SLC8A3: variants seen among roughly 807,000 people sequenced by gnomAD.
SLC8A3 encodes the protein solute carrier family 8 member A3.
SLC8A3 carries 37 observed loss-of-function variants against 65.4 expected under a neutral mutation model. The observed-to-expected ratio is 0.57, with a 90% CI of 0.44 to 0.74. The LOEUF (loss-of-function observed/expected upper bound fraction) is 0.74, where lower values mean the gene tolerates loss of function less well. Ranked by LOEUF, SLC8A3 falls within the 30% of genes least tolerant of loss-of-function variation. The pLI is 0.00. For synonymous variants in SLC8A3, 461 were observed against 444.5 expected (o/e 1.04, Z -0.47); for missense variants, 1,112 against 1,172.1 (o/e 0.95, Z 0.75).
chr14:70,111,031 C>A (rs1031408408), intron 2 of SLC8A3, among the ~76,000 whole-genome samples: 3 of 152,178 alleles, frequency 2.0e-5, no homozygotes, highest in Non-Finnish European at 2.9e-5. Flanking sequence ...ACATACCCAG[C>A]AGTGGGATTG....
At chr14:70,089,945 G>A (rs1430226983) in intron 2 of SLC8A3, among the ~76,000 whole-genome samples, 1 of 152,092 alleles carries the variant, frequency 6.6e-6, no homozygotes, top group Non-Finnish European at 1.5e-5. Context: ...GTATAAATTA[G>A]AGAGTTTTTT....
chr14:70,061,550 G>A (rs1206651570), intron 2 of SLC8A3, among the ~76,000 whole-genome samples: 1 of 147,616 alleles, frequency 6.8e-6, no homozygotes, highest in African/African-American at 2.6e-5. Context: ...GAGAGAGAGA[G>A]AGTGAGAGAG....
chr14:70,162,473 C>A (rs1345590878), intron 2 of SLC8A3, among the ~76,000 whole-genome samples: 1 of 152,158 alleles, frequency 6.6e-6, no homozygotes, highest in Admixed American at 6.5e-5. Flanking sequence ...AGCCAACATG[C>A]TTTTTTTCTT....
At chr14:70,116,321 C>CTG (rs55890014) in intron 2 of SLC8A3, among the ~76,000 whole-genome samples, 40,499 of 147,518 alleles carry the variant, frequency 0.27, 5,657 homozygotes, top group Admixed American at 0.36. Flanking sequence ...ATTGAGAACA[C>CTG]TGTGTGTGTG....
intron 2 of SLC8A3, among the ~76,000 whole-genome samples, chr14:70,134,693 C>T (rs1322935642): frequency 6.6e-6 from 1 of 152,170 alleles, no homozygotes; most frequent in East Asian, 1.9e-4. Context: ...TATTAGTCTC[C>T]AACTTCCATC....
In SLC8A3 at chr14:70,167,404, T is replaced by A. The variant is rs971505697; in HGVS notation, c.1019A>T (p.Asn340Ile). 4.2e-5 allele frequency: 68 copies of A among 1,614,028 alleles called. No homozygotes were observed. Among genetic ancestry groups the A allele is most frequent in the Non-Finnish European group, 5.6e-5 (66 of 1,180,024 alleles). Residue 340 changes from asparagine (N) to isoleucine (I), a missense_variant, in exon 2 of 7, where the codon AAT (asparagine) becomes ATT (isoleucine). Coordinates refer to ENST00000356921, the MANE Select transcript of SLC8A3 (RefSeq NM_182932.3). ...CTGTTGGTGGGAAAGAGCATAGTAATTGGCCATCTCCACCAGCTGATCTAA... is the reference window on the plus strand; with the variant it reads ...CTGTTGGTGGGAAAGAGCATAGTAAATGGCCATCTCCACCAGCTGATCTAA... ...KDLDQLVEMA[N>I]YYALSHQQKS...
chr14:70,068,857 G>T lies in SLC8A3; in HGVS notation c.1785-7918C>A, dbSNP rs146721414. The stretch of plus-strand genomic sequence containing the variant: ...TCTTCCCACCTCAGCCTACCGAGTA[G>T]CTAAGACTACAGGCACCTGCCACCA... On this transcript the variant is annotated intron_variant, in intron 2 of 6. Transcript: ENST00000356921. Among the ~76,000 whole-genome samples the T allele has an allele frequency of 4.1e-3, 617 of 152,176 alleles. 4 individuals are homozygous for T. Among genetic ancestry groups the T allele is most frequent in the African/African-American group, 0.014 (575 of 41,512 alleles).
intron 2 of SLC8A3, among the ~76,000 whole-genome samples, chr14:70,098,294 TC>T (rs972619913): frequency 1.6e-5 from 1 of 64,140 alleles, no homozygotes; most frequent in Non-Finnish European, 3.0e-5. Context: ...TCCTTCTTTT[TC>T]TCACTTTTTT....
chr14:70,111,848 T>C (rs1192905397), intron 2 of SLC8A3, among the ~76,000 whole-genome samples: 1 of 152,162 alleles, frequency 6.6e-6, no homozygotes, highest in Non-Finnish European at 1.5e-5. Flanking sequence ...AAGTCCCTGA[T>C]TTTGACAGGT....
intron 2 of SLC8A3, among the ~76,000 whole-genome samples, chr14:70,073,368 A>G (rs1323586632): frequency 6.6e-6 from 1 of 152,184 alleles, no homozygotes; most frequent in Non-Finnish European, 1.5e-5. Context: ...AGTTACTTAC[A>G]GCTCCATTTG....
At chr14:70,053,446 A>G (rs1388483189) in intron 3 of SLC8A3, among the ~76,000 whole-genome samples, 1 of 152,242 alleles carries the variant, frequency 6.6e-6, no homozygotes, top group Non-Finnish European at 1.5e-5. Flanking sequence ...AAAGACACAC[A>G]GATTCCATAC....
intron 2 of SLC8A3, among the ~76,000 whole-genome samples, chr14:70,094,960 A>C (rs747130329): frequency 1.3e-5 from 2 of 152,256 alleles, no homozygotes; most frequent in Non-Finnish European, 2.9e-5. Flanking sequence ...ACAGGCCCTT[A>C]GGAATCAGAC....
Position 70,114,470 on chromosome 14 carries a change from C to T in SLC8A3, c.1784+52169G>A, listed in dbSNP as rs572755358. 5.9e-5 allele frequency among the ~76,000 whole-genome samples: 9 copies of T among 152,272 alleles called. No individual in the cohort carries two copies. In the South Asian group the frequency reaches 1.9e-3, roughly 32 times the overall value. ...TGTAGCTGCAAGAAGGTGAACCCAG[C>T]TCTCACATACACCTGCTCTGATTTA... is the stretch of plus-strand genomic sequence containing the variant. On this transcript the variant is annotated intron_variant, in intron 2 of 6. Transcript: ENST00000356921.
At chr14:70,173,610 G>T (rs551340426) in intron 1 of SLC8A3, among the ~76,000 whole-genome samples, 3 of 152,128 alleles carry the variant, frequency 2.0e-5, no homozygotes, top group Admixed American at 2.0e-4. Flanking sequence ...ACACTGCTCC[G>T]GGCATGTCAC....
At chr14:70,057,246 T>C (rs1888233097) in intron 3 of SLC8A3, among the ~76,000 whole-genome samples, 1 of 152,156 alleles carries the variant, frequency 6.6e-6, no homozygotes, top group Non-Finnish European at 1.5e-5. Flanking sequence ...AATGGATCAA[T>C]GGCTTTCCTC....
At chr14:70,072,583 G>T (rs1245378229) in intron 2 of SLC8A3, among the ~76,000 whole-genome samples, 1 of 128,562 alleles carries the variant, frequency 7.8e-6, no homozygotes, top group Middle Eastern at 3.5e-3. Flanking sequence ...TCTCTGTAAT[G>T]TCTATCTATC....
chr14:70,082,722 C>T (rs1891141990), intron 2 of SLC8A3, among the ~76,000 whole-genome samples: 1 of 152,144 alleles, frequency 6.6e-6, no homozygotes, highest in Non-Finnish European at 1.5e-5. Context: ...CAATGCTTGG[C>T]CAACTGAGGC....
At chr14:70,092,792 T>C (rs564976013) in intron 2 of SLC8A3, among the ~76,000 whole-genome samples, 2 of 152,356 alleles carry the variant, frequency 1.3e-5, no homozygotes, top group East Asian at 3.9e-4. Context: ...TTTGCATTCC[T>C]GGTTTTCATC....
rs775095450 is a variant in SLC8A3 at position 70,167,552 on chromosome 14, T to C, written c.871A>G (p.Met291Val). The C allele has an allele frequency of 1.4e-5, 23 of 1,613,986 alleles. No homozygotes were observed. The highest frequency in any genetic ancestry group is 1.9e-5 in the Non-Finnish European group (23 of 1,180,004). ...HPKGIEMDGK[M>V]MNSHFLDGNL... ...CCATCTAGAAAATGGGAATTCATCA[T>C]TTTCCCATCCATCTCAATGCCCTTA... Residue 291 changes from methionine (M) to valine (V), a missense_variant, in exon 2 of 7, where the codon ATG becomes GTG. Met to Val is a conservative substitution (Grantham distance 21). Coordinates refer to ENST00000356921, the MANE Select transcript of SLC8A3 (RefSeq NM_182932.3).
Sources: gnomAD v4.1 joint callset for allele counts (sites outside exome capture counted in the v4.1 genomes callset) on GRCh38, gnomAD v4.1.1 for gene constraint, MANE v1.5 for transcripts, NCBI Gene and HGNC (gene_info 2026-07-23, HGNC 2026-07-21) for gene names.